Variants in AKAP19 observed in about 807,000 individuals in gnomAD.
The protein encoded by AKAP19 is A-kinase anchoring protein 19, also known as small A-kinase anchoring protein.
At chr2:190,200,480 TG>T in the AKAP19 span, 1 of 211,688 alleles carries the variant, frequency 4.7e-6, no homozygotes, top group South Asian at 1.2e-4. Context: ...CAAATTCCAA[TG>T]GTTGAAGTTT....
At chr2:190,077,203 G>T in the AKAP19 span, among the ~76,000 whole-genome samples, 2 of 149,260 alleles carry the variant, frequency 1.3e-5, no homozygotes, top group Admixed American at 6.7e-5. Flanking sequence ...AAAGTTCTTT[G>T]CAAATTCCAT....
the AKAP19 span, among the ~76,000 whole-genome samples, chr2:190,068,614 C>G: frequency 6.6e-6 from 1 of 152,180 alleles, no homozygotes; most frequent in African/African-American, 2.4e-5. Flanking sequence ...GGATTACAGA[C>G]GTGAGCCACT....
At chr2:190,142,455 T>C in the AKAP19 span, among the ~76,000 whole-genome samples, 4 of 152,190 alleles carry the variant, frequency 2.6e-5, no homozygotes, top group Non-Finnish European at 4.4e-5. Context: ...ACAGTTTTGC[T>C]CTCTACCCCA....
At chr2:190,024,495 G>A in the AKAP19 span, among the ~76,000 whole-genome samples, 1 of 151,828 alleles carries the variant, frequency 6.6e-6, no homozygotes. Flanking sequence ...CATTGCAACT[G>A]TAGAATGGGC....
At chr2:189,953,138 C>A in the AKAP19 span, among the ~76,000 whole-genome samples, 3 of 152,004 alleles carry the variant, frequency 2.0e-5, no homozygotes, top group Non-Finnish European at 4.4e-5. Context: ...GGCCCACTTA[C>A]AAGTCTGCAA....
the AKAP19 span, among the ~76,000 whole-genome samples, chr2:190,113,997 C>G: frequency 6.6e-6 from 1 of 152,078 alleles, no homozygotes; most frequent in African/African-American, 2.4e-5. Flanking sequence ...CAATTTGTTT[C>G]TGTCATTCTG....
the AKAP19 span, among the ~76,000 whole-genome samples, chr2:190,067,626 A>G: frequency 2.6e-5 from 4 of 152,174 alleles, no homozygotes; most frequent in Non-Finnish European, 5.9e-5. Context: ...TATAGACTGA[A>G]ATTAGTAGTC....
chr2:190,004,309 A>G, the AKAP19 span, among the ~76,000 whole-genome samples: 6 of 152,310 alleles, frequency 3.9e-5, no homozygotes, highest in East Asian at 1.2e-3. Flanking sequence ...TTATTAATAC[A>G]TTTAACCTAC....
At chr2:190,000,260 C>T in the AKAP19 span, among the ~76,000 whole-genome samples, 1 of 152,270 alleles carries the variant, frequency 6.6e-6, no homozygotes, top group South Asian at 2.1e-4. Flanking sequence ...TGTGACCAAC[C>T]ATTTCAGTAA....
chr2:190,162,522 A>G, the AKAP19 span, among the ~76,000 whole-genome samples: 2 of 152,188 alleles, frequency 1.3e-5, no homozygotes, highest in Non-Finnish European at 2.9e-5. Flanking sequence ...CTCACAAAAG[A>G]GAGAAGCAAA....
the AKAP19 span, chr2:190,057,159 T>G: frequency 1.5e-6 from 2 of 1,312,776 alleles, no homozygotes; most frequent in Non-Finnish European, 2.2e-6. Context: ...TGTAGCATAC[T>G]CTAGGCCTAT....
chr2:189,949,939 C>G, the AKAP19 span, among the ~76,000 whole-genome samples: 1 of 150,184 alleles, frequency 6.7e-6, no homozygotes, highest in Non-Finnish European at 1.5e-5. Flanking sequence ...CTGTTACCTA[C>G]TTTTAAGTGT....
chr2:190,178,904 C>A, the AKAP19 span, among the ~76,000 whole-genome samples: 322 of 152,174 alleles, frequency 2.1e-3, 1 homozygote, highest in African/African-American at 7.1e-3. This position sits in a 1 kb window ranked among gnomAD's most constrained non-coding sequence, Gnocchi z 6.3. Context: ...AGTGTGGAAC[C>A]CAGGGGTCTC....
At chr2:189,918,395 A>G in the AKAP19 span, among the ~76,000 whole-genome samples, 41 of 152,138 alleles carry the variant, frequency 2.7e-4, no homozygotes, top group South Asian at 1.5e-3. Context: ...GGCTTGATTT[A>G]CCTGTCATTC....
At chr2:190,152,239 T>C in the AKAP19 span, among the ~76,000 whole-genome samples, 907 of 152,372 alleles carry the variant, frequency 6.0e-3, 47 homozygotes, top group East Asian at 0.12. Context: ...TGTTGTTTTC[T>C]AATACTTTTA....
chr2:189,926,336 C>T, the AKAP19 span, among the ~76,000 whole-genome samples: 1 of 152,094 alleles, frequency 6.6e-6, no homozygotes, highest in Non-Finnish European at 1.5e-5. Flanking sequence ...ACTCTGTCAC[C>T]CAGGCTGGAG....
the AKAP19 span, among the ~76,000 whole-genome samples, chr2:190,052,870 A>G: frequency 2.0e-5 from 3 of 152,294 alleles, no homozygotes; most frequent in Admixed American, 2.0e-4. Context: ...TCTCATTAGG[A>G]TCAGAATCTG....
At chr2:190,016,928 A>T in the AKAP19 span, among the ~76,000 whole-genome samples, 1 of 152,142 alleles carries the variant, frequency 6.6e-6, no homozygotes, top group Non-Finnish European at 1.5e-5. Context: ...CTCCTTTCAC[A>T]TATATTAATA....
chr2:189,899,490 A>G, the AKAP19 span, among the ~76,000 whole-genome samples: 1 of 152,196 alleles, frequency 6.6e-6, no homozygotes, highest in East Asian at 1.9e-4. Context: ...CCATCTTGTC[A>G]GAAATGGGGT....
Sources: gnomAD v4.1 joint callset for allele counts (sites outside exome capture counted in the v4.1 genomes callset) on GRCh38, gnomAD v4.1.1 for gene constraint, Gnocchi (gnomAD v3.1) non-coding constraint, MANE v1.5 for transcripts, NCBI Gene and HGNC (gene_info 2026-07-23, HGNC 2026-07-21) for gene names.